Variants in COL6A2 observed in about 807,000 individuals in gnomAD.
COL6A2 encodes collagen type VI alpha 2 chain.
A neutral mutation model predicts 124.9 loss-of-function variants in COL6A2; 90 were observed. The ratio of observed to expected loss-of-function variants is 0.72; its 90% confidence interval spans 0.61 to 0.86. The LOEUF is 0.86. COL6A2 is among the 40% of genes least tolerant of loss of function. The pLI is 0.00. For synonymous variants in COL6A2, 793 were observed against 618.2 expected, an observed-to-expected ratio of 1.28 and a Z score of -4.19; for missense variants, 1,607 against 1,502.5, an observed-to-expected ratio of 1.07 and a Z score of -1.15.
At position 46,125,265 on chromosome 21, in the gene COL6A2, G is replaced by T. The variant is rs748035948; in HGVS notation, c.1771-1G>T. The T allele has an allele frequency of 5.0e-6, 8 of 1,612,208 alleles. No homozygotes were observed. Among genetic ancestry groups the T allele is most frequent in the Non-Finnish European group, 6.8e-6 (8 of 1,179,582 alleles). On this transcript the variant is annotated splice_acceptor_variant, in intron 23 of 27. Transcript: ENST00000300527. LOFTEE classifies it high-confidence loss of function. ...TACCCTGCCTGCCGTGTGCATTGCA[G>T]GAGTGTGACGTCATGACCTACGTGA...
chr21:46,113,084 C>T (rs1312140811), intron 4 of COL6A2: 2 of 587,918 alleles, frequency 3.4e-6, no homozygotes, highest in African/African-American at 1.9e-5. Context: ...GGTCTGGCCT[C>T]CGGGCAGGTG....
intron 27 of COL6A2, chr21:46,129,169 C>T (rs1263615889): frequency 5.0e-6 from 8 of 1,612,536 alleles, no homozygotes; most frequent in Non-Finnish European, 3.4e-6. Context: ...GCAGGCCTTA[C>T]AGTCTTCTCT....
At chr21:46,128,153 G>GAAT (rs1218093146) in intron 27 of COL6A2, among the ~76,000 whole-genome samples, 1 of 152,218 alleles carries the variant, frequency 6.6e-6, no homozygotes, top group Admixed American at 6.5e-5. Context: ...CCTCCTGGGA[G>GAAT]TGGGTCACTC....
chr21:46,122,330 C>G (rs2078579897), intron 19 of COL6A2, among the ~76,000 whole-genome samples, 166 bp from the exon 20 acceptor site: 1 of 152,134 alleles, frequency 6.6e-6, no homozygotes, highest in African/African-American at 2.4e-5. Context: ...AAGGATAGGT[C>G]CAGCCCAGCA....
chr21:46,122,148 G>A lies in COL6A2; in HGVS notation c.1562G>A (p.Arg521Gln), dbSNP rs367693258. 4.3e-5 allele frequency: 70 copies of A among 1,612,530 alleles called. No homozygotes were observed. The highest frequency in any genetic ancestry group is 1.0e-4 in the Admixed American group (6 of 59,976). Residue 521 changes from arginine to glutamine, a missense_variant, in exon 19 of 28, where the codon CGA becomes CAA. Transcript: ENST00000300527. ...GRPGFSYPGP[R>Q]GAPGEKGEPG... ...CCTGGATTCAGCTACCCAGGACCCC[G>A]AGGAGCACCCGTGAGTCACAGCCTG...
At position 46,132,252 on chromosome 21, in the gene COL6A2, C is replaced by CG; in HGVS notation, c.2761dup (p.Val921GlyfsTer72). On this transcript the variant is annotated frameshift_variant, in exon 28 of 28. Transcript: ENST00000300527. LOFTEE classifies it high-confidence loss of function. ...ACTCCTTCTCGCACGTGGGCGCAGG[C>CG]GTGGTGCACGCCATCAATGCCATCG... The CG allele has an allele frequency of 6.2e-7, 1 of 1,605,052 alleles. No homozygotes were observed. The highest frequency in any genetic ancestry group is 8.5e-7 in the Non-Finnish European group (1 of 1,177,738).
chr21:46,101,924 A>G (rs940114041), intron 1 of COL6A2, among the ~76,000 whole-genome samples: 8 of 91,886 alleles, frequency 8.7e-5, no homozygotes, highest in African/African-American at 1.2e-4. Context: ...GGATTTATTC[A>G]CTATTTCTGA....
At chr21:46,107,837 TTTGA>T (rs1458595307) in intron 1 of COL6A2, among the ~76,000 whole-genome samples, 1 of 152,196 alleles carries the variant, frequency 6.6e-6, no homozygotes, top group African/African-American at 2.4e-5. Context: ...CTTAAATGTA[TTTGA>T]TTGATGTCTC....
rs1601238645 is a variant in COL6A2 at position 46,121,754 on chromosome 21, T to C, written c.1521+136T>C. On this transcript the variant is annotated intron_variant, in intron 18 of 27. Coordinates refer to ENST00000300527, the MANE Select transcript of COL6A2 (RefSeq NM_001849.4). Reference sequence around the variant, plus strand: ...CGGGCCTGTGCCTCCTGTTCTCAGCTCTGGAGTGAGGGGATGCCTCCGGGG... The same window carrying C: ...CGGGCCTGTGCCTCCTGTTCTCAGCCCTGGAGTGAGGGGATGCCTCCGGGG... 9.3e-6 allele frequency: 8 copies of C among 864,688 alleles called. No individual in the cohort carries two copies. In the East Asian group the frequency reaches 2.1e-4, roughly 23 times the overall value. 53.6% of individuals were successfully genotyped at this position (864,688 alleles called of 1,614,324 possible).
At chr21:46,129,127 G>A in intron 27 of COL6A2, 2 of 1,608,548 alleles carry the variant, frequency 1.2e-6, no homozygotes, top group Non-Finnish European at 1.7e-6. Context: ...CTGAGCGGCT[G>A]CCCGAGGAGG....
intron 5 of COL6A2, among the ~76,000 whole-genome samples, chr21:46,114,672 G>A (rs2078448005): frequency 6.6e-6 from 1 of 152,148 alleles, no homozygotes; most frequent in South Asian, 2.1e-4. Context: ...TTAATATGAA[G>A]GAACCTCTTT....
At chr21:46,121,735 T>G (rs1048790471) in intron 18 of COL6A2, 117 bp downstream of exon 18, 3 of 977,842 alleles carry the variant, frequency 3.1e-6, no homozygotes, top group Non-Finnish European at 4.8e-6. Flanking sequence ...AGGACGGGCC[T>G]GTGCCTCCTG....
chr21:46,118,893 C>T, intron 13 of COL6A2, 137 bp from the exon 14 acceptor site: 2 of 930,130 alleles, frequency 2.2e-6, no homozygotes, highest in South Asian at 2.8e-5. Flanking sequence ...TTCCAGGGGA[C>T]CCTGCAGGGC....
At position 46,125,310 on chromosome 21, in the gene COL6A2, C is replaced by G; in HGVS notation, c.1815C>G (p.Cys605Trp). ...ACGTGAGGGAGACCTGCGGGTGCTG[C>G]GGTGAGGCACTGCCCACGGCAGGGT... The part of the protein sequence containing the change: ...MTYVRETCGC[C>W]DCEKRCGALD... The change falls in exon 24 of 28, where the codon TGC becomes TGG. Residue 605 changes from cysteine to tryptophan, a missense_variant and splice_region_variant. Physicochemically the swap from Cys to Trp is radical, Grantham distance 215. Coordinates refer to ENST00000300527, the MANE Select transcript of COL6A2 (RefSeq NM_001849.4). 1 of 1,610,366 alleles carries G rather than the reference C, an allele frequency of 6.2e-7. No individual in the cohort carries two copies. The highest frequency in any genetic ancestry group is 8.5e-7 in the Non-Finnish European group (1 of 1,178,494).
chr21:46,125,723 A>C, intron 25 of COL6A2, 62 bp from the exon 26 acceptor site: 1 of 1,600,720 alleles, frequency 6.2e-7, no homozygotes, highest in Non-Finnish European at 8.5e-7. Flanking sequence ...GGGCCTCTGC[A>C]TGGCTGGGGA....
rs372843350 is a variant in COL6A2 at position 46,129,173 on chromosome 21, C to A, written c.2461+2632C>A. ...CGACGCCCACCGCAGGCCTTACAGT[C>A]TTCTCTGGACGCTCCCTTGCAGATG... is the stretch of plus-strand genomic sequence containing the variant. On this transcript the variant is annotated intron_variant, in intron 27 of 27. Transcript: ENST00000300527. The A allele has an allele frequency of 1.6e-5, 26 of 1,612,726 alleles. No individual in the cohort carries two copies. The African/African-American group carries it at 3.3e-4, about 21-fold the overall frequency.
chr21:46,111,978 GAGA>G lies in COL6A2; in HGVS notation c.119_121del (p.Lys40del). On this transcript the variant is annotated inframe_deletion and splice_region_variant, in exon 3 of 28. Transcript: ENST00000300527. ...CTCGTGACAGGTCCTGTGCCCCACA[GAGA>G]AGACCGACTGCCCCATCCACGTGTA... is the stretch of plus-strand genomic sequence containing the variant. The G allele has an allele frequency of 4.3e-6, 7 of 1,611,264 alleles. No homozygotes were observed. The highest frequency in any genetic ancestry group is 5.9e-6 in the Non-Finnish European group (7 of 1,179,944).
Position 46,125,766 on chromosome 21 carries a change from TCA to T in COL6A2, c.1970-17_1970-16del. On this transcript the variant is annotated splice_polypyrimidine_tract_variant and intron_variant, in intron 25 of 27. Coordinates refer to ENST00000300527, the MANE Select transcript of COL6A2 (RefSeq NM_001849.4). Reference sequence around the variant, plus strand: ...GACCCCGAGGCCTCTGGCAACGACCTCACGCGTGCGGCTTGCAGGGACGCGTG... The same window carrying T: ...GACCCCGAGGCCTCTGGCAACGACCTCGCGTGCGGCTTGCAGGGACGCGTG... 5 of 1,609,804 alleles carry T rather than the reference TCA, an allele frequency of 3.1e-6. No individual in the cohort carries two copies. Among genetic ancestry groups the T allele is most frequent in the Non-Finnish European group, 4.2e-6 (5 of 1,177,548 alleles).
chr21:46,129,520 G>A (rs776314142), intron 27 of COL6A2: 3 of 1,518,902 alleles, frequency 2.0e-6, no homozygotes, highest in South Asian at 2.5e-5. Flanking sequence ...GCCGGGCTGG[G>A]CCCTCCCTGC....
Sources: allele counts gnomAD v4.1 joint callset (sites outside exome capture counted in the v4.1 genomes callset), GRCh38; gene constraint gnomAD v4.1.1; transcripts MANE v1.5; gene names NCBI Gene and HGNC (gene_info 2026-07-23, HGNC 2026-07-21).